DOCK1: variants seen among roughly 807,000 people sequenced by gnomAD.
The protein encoded by DOCK1 is dedicator of cytokinesis 1.
DOCK1 carries 138 observed loss-of-function variants against 262.7 expected under a neutral mutation model. That is an observed-to-expected ratio of 0.53 (90% CI 0.46 to 0.61). The LOEUF is 0.61. Ranked by LOEUF, DOCK1 falls within the 20% of genes least tolerant of loss-of-function variation. The probability of loss-of-function intolerance (pLI) is 0.00; values close to 1 mark genes in which losing one functional copy is unlikely to be tolerated. For missense variants in DOCK1, 1,908 were observed against 2,370.7 expected (o/e 0.80, Z 4.05); for synonymous variants, 866 against 867.4 (o/e 1.00, Z 0.03).
intron 23 of DOCK1, among the ~76,000 whole-genome samples, chr10:127,098,974 A>G (rs1336566738): frequency 6.6e-6 from 1 of 152,228 alleles, no homozygotes; most frequent in Admixed American, 6.5e-5. Context: ...AACCAATATT[A>G]GAAATGAATC....
chr10:126,966,805 A>C (rs2037709028), intron 1 of DOCK1, among the ~76,000 whole-genome samples: 1 of 152,220 alleles, frequency 6.6e-6, no homozygotes, highest in Admixed American at 6.5e-5. Context: ...AAAGAAAAAA[A>C]CAAAAAACCA....
intron 47 of DOCK1, among the ~76,000 whole-genome samples, chr10:127,428,885 T>C (rs1386995291): frequency 5.7e-5 from 8 of 139,906 alleles, no homozygotes; most frequent in Non-Finnish European, 1.1e-4. Context: ...GCCATGTGGA[T>C]TGGGGTACCG....
chr10:126,923,481 G>T (rs552082284), intron 1 of DOCK1, among the ~76,000 whole-genome samples: 2 of 151,860 alleles, frequency 1.3e-5, no homozygotes, highest in Middle Eastern at 3.2e-3. Flanking sequence ...AAAATTAGCC[G>T]GGTGTGGTGG....
chr10:127,017,274 G>C (rs1169441578), intron 12 of DOCK1, among the ~76,000 whole-genome samples: 3 of 90,580 alleles, frequency 3.3e-5, no homozygotes, highest in African/African-American at 1.4e-4. Context: ...TATACATATA[G>C]ACACACACAG....
chr10:127,351,812 A>T (rs966461906), intron 31 of DOCK1, among the ~76,000 whole-genome samples: 2 of 152,050 alleles, frequency 1.3e-5, no homozygotes, highest in East Asian at 3.9e-4. Context: ...TGGGGCATGT[A>T]TAGATTCATC....
chr10:127,132,422 A>C (rs950495649), intron 27 of DOCK1, among the ~76,000 whole-genome samples: 1 of 152,220 alleles, frequency 6.6e-6, no homozygotes, highest in African/African-American at 2.4e-5. Context: ...CCACAGAACA[A>C]AAAGGTCATT....
chr10:127,230,678 A>G (rs763610617), intron 27 of DOCK1, among the ~76,000 whole-genome samples: 15 of 151,968 alleles, frequency 9.9e-5, no homozygotes, highest in Non-Finnish European at 2.1e-4. Flanking sequence ...TTTATATTAG[A>G]TCTTAAAAAA....
chr10:127,430,959 G>A (rs546409307), intron 47 of DOCK1, among the ~76,000 whole-genome samples: 14 of 152,260 alleles, frequency 9.2e-5, no homozygotes, highest in East Asian at 7.8e-4. Context: ...TTGCTCAGGC[G>A]GTGAAGACAG....
chr10:127,364,429 C>A (rs570035815), intron 33 of DOCK1, among the ~76,000 whole-genome samples: 4 of 152,154 alleles, frequency 2.6e-5, no homozygotes, highest in Non-Finnish European at 5.9e-5. Context: ...TGCAGTGACG[C>A]GATCTCAGCT....
At chr10:127,362,991 C>CATA (rs56121314) in intron 33 of DOCK1, among the ~76,000 whole-genome samples, 4 of 47,570 alleles carry the variant, frequency 8.4e-5, no homozygotes, top group African/African-American at 4.4e-4. Flanking sequence ...ACACATCCCC[C>CATA]CCCACACACA....
intron 14 of DOCK1, 101 bp from the exon 15 acceptor site, chr10:127,024,584 G>A: frequency 1.0e-6 from 1 of 983,088 alleles, no homozygotes; most frequent in Non-Finnish European, 1.5e-6. Flanking sequence ...GTGTGTTGGT[G>A]TTCTTGGAGC....
intron 22 of DOCK1, 101 bp from the exon 23 acceptor site, chr10:127,061,566 TA>T: frequency 1.0e-6 from 1 of 995,238 alleles, no homozygotes; most frequent in African/African-American, 1.6e-5. Flanking sequence ...TCTCTCATTC[TA>T]ACTTGTCACC....
intron 2 of DOCK1, among the ~76,000 whole-genome samples, chr10:126,974,217 C>T (rs1327584491): frequency 2.0e-5 from 3 of 152,132 alleles, no homozygotes; most frequent in South Asian, 4.1e-4. Context: ...GCTGTCGACT[C>T]GTTTCCATAG....
intron 47 of DOCK1, among the ~76,000 whole-genome samples, chr10:127,431,198 A>G (rs570623263): frequency 5.3e-4 from 80 of 152,320 alleles, no homozygotes; most frequent in African/African-American, 1.8e-3. Context: ...TTTCAGTCAC[A>G]GTGTCTGGCC....
chr10:126,955,043 G>C (rs1418956201), intron 1 of DOCK1, among the ~76,000 whole-genome samples: 2 of 152,316 alleles, frequency 1.3e-5, no homozygotes, highest in African/African-American at 4.8e-5. Flanking sequence ...AAGGGTTTCT[G>C]CTGCTTCAGA....
At position 127,309,679 on chromosome 10, in the gene DOCK1, C is replaced by T. The variant is rs542914559; in HGVS notation, c.3045-29327C>T. 3.9e-5 allele frequency among the ~76,000 whole-genome samples: 6 copies of T among 152,228 alleles called. No homozygotes were observed. The South Asian group carries it at 1.2e-3, about 32-fold the overall frequency. On this transcript the variant is annotated intron_variant, in intron 29 of 51. Coordinates refer to ENST00000623213, the MANE Select transcript of DOCK1 (RefSeq NM_001290223.2). ...ATATGGCTAGCCAGTTCTCTCAGCA[C>T]CATTTATTAAATAGGGAATGCTTTC...
intron 16 of DOCK1, among the ~76,000 whole-genome samples, chr10:127,027,023 T>A (rs559367682): frequency 1.3e-5 from 2 of 152,364 alleles, no homozygotes; most frequent in Admixed American, 1.3e-4. Context: ...CAGTAAGATA[T>A]CACAGAAGGA....
intron 43 of DOCK1, 21 bp downstream of exon 43, chr10:127,410,945 C>G: frequency 6.2e-7 from 1 of 1,607,180 alleles, no homozygotes; most frequent in Non-Finnish European, 8.5e-7. Context: ...AACAAACCAC[C>G]AAACCAAACA....
intron 27 of DOCK1, among the ~76,000 whole-genome samples, chr10:127,141,422 G>T (rs1209921815): frequency 6.6e-6 from 1 of 152,104 alleles, no homozygotes; most frequent in African/African-American, 2.4e-5. Flanking sequence ...GCAAATTCTG[G>T]CCAGGCACGG....
Sources: gnomAD v4.1 joint callset for allele counts (sites outside exome capture counted in the v4.1 genomes callset) on GRCh38, gnomAD v4.1.1 for gene constraint, MANE v1.5 for transcripts, NCBI Gene and HGNC (gene_info 2026-07-23, HGNC 2026-07-21) for gene names.